The following FANK1 variants were observed in gnomAD, a reference collection of about 807,000 sequenced individuals.
FANK1 encodes the protein fibronectin type 3 and ankyrin repeat domains protein 1.
Under a neutral mutation model 45.3 loss-of-function variants are expected in FANK1, and 44 were observed. The observed-to-expected ratio is 0.97, with a 90% CI of 0.76 to 1.25. The LOEUF is 1.25. Ranked by LOEUF, FANK1 falls within the 50% of genes most tolerant of loss-of-function variation. The pLI, the probability that FANK1 is intolerant of heterozygous loss-of-function variation, is 0.00. For synonymous variants in FANK1, 149 were observed against 152.5 expected (o/e 0.98, Z 0.17); for missense variants, 391 against 424.4 (o/e 0.92, Z 0.69).
At chr10:125,987,131 C>A (rs1951614508) in intron 2 of FANK1, among the ~76,000 whole-genome samples, 1 of 151,786 alleles carries the variant, frequency 6.6e-6, no homozygotes, top group Non-Finnish European at 1.5e-5. Flanking sequence ...CTTGACTGCC[C>A]CTTTTCTTGG....
At chr10:125,912,650 T>C (rs1244749253) in intron 1 of FANK1, among the ~76,000 whole-genome samples, 2 of 152,204 alleles carry the variant, frequency 1.3e-5, no homozygotes, top group Non-Finnish European at 2.9e-5. Flanking sequence ...ATTTTATTTT[T>C]TGAGACATAG....
At chr10:126,003,109 T>C (rs944867552) in intron 6 of FANK1, among the ~76,000 whole-genome samples, 34 of 20,650 alleles carry the variant, frequency 1.6e-3, no homozygotes, top group African/African-American at 3.3e-3. Context: ...TCTCTTTAAA[T>C]TTTTTTTTTT....
chr10:125,939,540 C>T (rs928506604), intron 1 of FANK1, among the ~76,000 whole-genome samples: 2 of 152,114 alleles, frequency 1.3e-5, no homozygotes, highest in African/African-American at 2.4e-5. Flanking sequence ...TTTTATCTTT[C>T]TGTAGGTATA....
chr10:125,925,307 C>G (rs1326261628), intron 1 of FANK1, among the ~76,000 whole-genome samples: 3 of 152,250 alleles, frequency 2.0e-5, no homozygotes, highest in African/African-American at 7.2e-5. Flanking sequence ...GAACTTTTAT[C>G]AAAATGAAAT....
chr10:125,907,041 G>T (rs767636921), intron 1 of FANK1, among the ~76,000 whole-genome samples: 1 of 152,114 alleles, frequency 6.6e-6, no homozygotes, highest in African/African-American at 2.4e-5. Flanking sequence ...ACTGAACCAG[G>T]GTTGTTCTAA....
At chr10:125,951,477 G>A (rs1347465248) in intron 1 of FANK1, among the ~76,000 whole-genome samples, 1 of 152,156 alleles carries the variant, frequency 6.6e-6, no homozygotes, top group Admixed American at 6.5e-5. Context: ...AAAGTTCAAG[G>A]TACTTAGGGA....
At chr10:125,988,429 A>T (rs1202321476) in intron 2 of FANK1, 122 bp from the exon 3 acceptor site, 10 of 1,331,026 alleles carry the variant, frequency 7.5e-6, no homozygotes, top group South Asian at 4.2e-5. Flanking sequence ...GCAAAGCAGG[A>T]TCCATCGGCT....
At chr10:125,971,824 A>C (rs149185367) in intron 1 of FANK1, among the ~76,000 whole-genome samples, 1 of 152,034 alleles carries the variant, frequency 6.6e-6, no homozygotes, top group Admixed American at 6.5e-5. Flanking sequence ...GGGTTTCACC[A>C]TGTTAGCCAG....
chr10:125,965,132 G>A (rs1950136540), intron 1 of FANK1, among the ~76,000 whole-genome samples: 1 of 152,114 alleles, frequency 6.6e-6, no homozygotes, highest in East Asian at 1.9e-4. Flanking sequence ...TCCAGCCTGG[G>A]CAACAAAGAG....
At chr10:125,968,359 C>T (rs1950302077) in intron 1 of FANK1, among the ~76,000 whole-genome samples, 1 of 152,156 alleles carries the variant, frequency 6.6e-6, no homozygotes, top group African/African-American at 2.4e-5. Context: ...TATAGCATCC[C>T]CCTCAGTGTG....
intron 1 of FANK1, among the ~76,000 whole-genome samples, chr10:125,897,965 G>T (rs1205147354): frequency 8.2e-6 from 1 of 122,166 alleles, no homozygotes; most frequent in African/African-American, 3.2e-5. Context: ...GACCATCTTG[G>T]CCAGCATAGT....
intron 1 of FANK1, among the ~76,000 whole-genome samples, chr10:125,912,443 AGTGTGTGT>A (rs60956003): frequency 0.027 from 4,045 of 147,238 alleles, 60 homozygotes; most frequent in Middle Eastern, 0.055. Context: ...GCACCACCAA[AGTGTGTGT>A]GTGTGTGTGT....
chr10:125,997,448 A>G lies in FANK1; in HGVS notation c.502A>G (p.Thr168Ala). Residue 168 changes from threonine (T) to alanine (A), a missense_variant, in exon 6 of 11, where the codon ACA (threonine) becomes GCA (alanine). By Grantham distance (58) the Thr-to-Ala change is moderately conservative. Transcript: ENST00000368693. The part of the protein sequence containing the change: ...RLVKILVSNG[T>A]DVNLKNGSGK... ...TGTGAAAATCCTAGTTTCTAATGGC[A>G]CAGACGTGAATCTGAAGAATGGAAG... The G allele has an allele frequency of 6.2e-7, 1 of 1,613,984 alleles. No individual in the cohort carries two copies.
intron 4 of FANK1, 144 bp from the exon 5 acceptor site, chr10:125,996,406 A>G (rs1236377779): frequency 1.5e-6 from 1 of 662,114 alleles, no homozygotes; most frequent in Non-Finnish European, 2.7e-6. Context: ...GTCTAAGACA[A>G]GAAAAGATTT....
chr10:125,955,061 C>T (rs1360672166), intron 1 of FANK1, among the ~76,000 whole-genome samples: 1 of 151,922 alleles, frequency 6.6e-6, no homozygotes, highest in Non-Finnish European at 1.5e-5. Flanking sequence ...TGCTTTGCTC[C>T]ACCAAGAATA....
rs375387542 is a variant in FANK1 at position 125,970,235 on chromosome 10, C to T, written c.14-9926C>T. Among the ~76,000 whole-genome samples, 62 of 151,890 alleles carry T rather than the reference C, an allele frequency of 4.1e-4. No homozygotes were observed. The East Asian group carries it at 9.0e-3, about 22-fold the overall frequency. ...GGGGCCCCCCACCCCCCAGAGGGGG[C>T]GGCCAGGCAGAGGCGCCCCTGCCTT... On this transcript the variant is annotated intron_variant, in intron 1 of 10. Coordinates refer to ENST00000368693, the MANE Select transcript of FANK1 (RefSeq NM_145235.5).
intron 3 of FANK1, among the ~76,000 whole-genome samples, chr10:125,994,192 G>A (rs1051382816): frequency 1.3e-5 from 2 of 151,754 alleles, no homozygotes; most frequent in Admixed American, 6.6e-5. Context: ...GGGTGGGTGA[G>A]CCCCAGGAGG....
At chr10:125,934,700 G>T (rs1363403198) in intron 1 of FANK1, among the ~76,000 whole-genome samples, 1 of 125,848 alleles carries the variant, frequency 7.9e-6, no homozygotes, top group Non-Finnish European at 1.6e-5. Context: ...CAGCAACTCA[G>T]TTCCCACCAC....
intron 1 of FANK1, among the ~76,000 whole-genome samples, chr10:125,904,258 CCTA>C (rs1945294793): frequency 6.6e-6 from 1 of 152,186 alleles, no homozygotes; most frequent in African/African-American, 2.4e-5. Flanking sequence ...AGGTTGTATA[CCTA>C]CTGTTTGAAA....
Sources: allele counts gnomAD v4.1 joint callset (sites outside exome capture counted in the v4.1 genomes callset), GRCh38; gene constraint gnomAD v4.1.1; transcripts MANE v1.5; gene names NCBI Gene and HGNC (gene_info 2026-07-23, HGNC 2026-07-21).